Variants in HIP1R observed in about 807,000 individuals in gnomAD.
HIP1R encodes huntingtin-interacting protein 1-related protein.
In HIP1R, 135 loss-of-function variants were observed where a neutral mutation model predicts 144.2. That is an observed-to-expected ratio of 0.94 (90% CI 0.81 to 1.08). The LOEUF (loss-of-function observed/expected upper bound fraction) is 1.08, where lower values mean the gene tolerates loss of function less well. HIP1R is among the 50% of genes least tolerant of loss of function. The pLI is 0.00. For missense variants in HIP1R, 1,462 were observed against 1,432.8 expected (o/e 1.02, Z -0.33); for synonymous variants, 698 against 612.8 (o/e 1.14, Z -2.05).
Position 122,862,903 on chromosome 12 carries a change from A to G in HIP1R, c.*1150A>G, listed in dbSNP as rs906868604. 7 of 152,214 alleles carry G rather than the reference A, an allele frequency of 4.6e-5. No homozygotes were observed. In the South Asian group the frequency reaches 1.4e-3, roughly 32 times the overall value. The allele number at this position is 152,214 out of a possible 1,614,324, so 9.4% of individuals were successfully genotyped here. ...AGCACCAGCGCCTTGGCTTTGTGTT[A>G]GCATTTCCTCCTGAAGTGTTCTGTT... On this transcript the variant is annotated 3_prime_UTR_variant, in exon 32 of 32. Transcript: ENST00000253083.
chr12:122,838,401 AC>A (rs374986590), intron 1 of HIP1R, among the ~76,000 whole-genome samples: 33 of 152,308 alleles, frequency 2.2e-4, no homozygotes, highest in Non-Finnish European at 3.8e-4. Context: ...ACAGAATACT[AC>A]AAAATACAGC....
rs1205800021 is a variant in HIP1R at position 122,858,218 on chromosome 12, C to T, written c.1932C>T (p.Asp644=). 4.4e-6 allele frequency: 7 copies of T among 1,605,312 alleles called. No homozygotes were observed. The highest frequency in any genetic ancestry group is 2.2e-5 in the East Asian group (1 of 44,646). ...AGGATGCCGTGAGCAAGCTGGACGA[C>T]CCCCTGCACCTGCGCTGTACCAGCT... ...ILQDAVSKLD[D]PLHLRCTSSP... is the part of the protein sequence containing the mutation. The change falls in exon 19 of 32, where the codon GAC becomes GAT. Residue 644 remains aspartate (D), a synonymous_variant. Coordinates refer to ENST00000253083, the MANE Select transcript of HIP1R (RefSeq NM_003959.3).
Position 122,858,405 on chromosome 12 carries a change from G to T in HIP1R, c.2020G>T (p.Gly674Cys). The T allele has an allele frequency of 6.2e-7, 1 of 1,610,506 alleles. No individual in the cohort carries two copies. The highest frequency in any genetic ancestry group is 8.5e-7 in the Non-Finnish European group (1 of 1,178,138). The change falls in exon 20 of 32, where the codon GGC becomes TGC. Residue 674 changes from glycine (G) to cysteine (C), a missense_variant. By Grantham distance (159) the Gly-to-Cys change is radical. Around this residue, in one of 2 missense-constraint regions of HIP1R, gnomAD observed 1,112 missense variants for 1,011.7 expected, o/e 1.10. Coordinates refer to ENST00000253083, the MANE Select transcript of HIP1R (RefSeq NM_003959.3). ...GGATGCCGTGAGCACCCTGGAGGAG[G>T]GCCACGCCCAGTACCTGACCTCCTT... ...ALDAVSTLEE[G>C]HAQYLTSLAD...
chr12:122,857,952 G>T (rs1348992980), intron 18 of HIP1R, 150 bp from the exon 19 acceptor site: 2 of 629,414 alleles, frequency 3.2e-6, no homozygotes, highest in African/African-American at 3.7e-5. Flanking sequence ...TGCACTGTGT[G>T]GGAAGCCTCT....
chr12:122,849,780 G>T lies in HIP1R; in HGVS notation c.358-95G>T, dbSNP rs145393918. On this transcript the variant is annotated intron_variant, in intron 4 of 31. Transcript: ENST00000253083. ...GAGAAGACGTTTGTTGAATGAAGAAGTGCCCGGTGGTGGGTCACTCTCGTG... is the reference window on the plus strand; with the variant it reads ...GAGAAGACGTTTGTTGAATGAAGAATTGCCCGGTGGTGGGTCACTCTCGTG... The T allele has an allele frequency of 9.4e-4, 738 of 782,202 alleles. 3 individuals are homozygous for T. In the East Asian group the frequency reaches 0.018, roughly 19 times the overall value. The allele number at this position is 782,202 out of a possible 1,614,324, so 48.5% of individuals were successfully genotyped here.
intron 4 of HIP1R, 146 bp downstream of exon 4, chr12:122,848,998 A>C (rs1161414278): frequency 1.3e-6 from 1 of 793,420 alleles, no homozygotes; most frequent in African/African-American, 1.7e-5. Flanking sequence ...GCACGGGGAG[A>C]TGCTGCCTGC....
chr12:122,848,115 G>C, intron 2 of HIP1R, 21 bp downstream of exon 2: 1 of 1,612,722 alleles, frequency 6.2e-7, no homozygotes, highest in African/African-American at 1.3e-5. Flanking sequence ...CCGGCTCTTG[G>C]ACCCAGGAGT....
intron 31 of HIP1R, 87 bp from the exon 32 acceptor site, chr12:122,861,619 A>G (rs1466861647): frequency 6.3e-7 from 1 of 1,581,984 alleles, no homozygotes; most frequent in Non-Finnish European, 8.6e-7. Context: ...ACCACTGACA[A>G]CATGCAGGGA....
intron 1 of HIP1R, among the ~76,000 whole-genome samples, chr12:122,838,165 C>A (rs1279077255): frequency 6.6e-6 from 1 of 152,094 alleles, no homozygotes; most frequent in African/African-American, 2.4e-5. Context: ...TTGCAAATAT[C>A]TGTGGGGTTA....
At chr12:122,859,243 T>C (rs201720434) in intron 22 of HIP1R, 46 bp downstream of exon 22, 2 of 1,548,862 alleles carry the variant, frequency 1.3e-6, no homozygotes, top group East Asian at 4.8e-5. Flanking sequence ...GGCCTGCCTC[T>C]GACCTCTGCA....
At chr12:122,846,940 A>C (rs572660747) in intron 1 of HIP1R, among the ~76,000 whole-genome samples, 1 of 152,336 alleles carries the variant, frequency 6.6e-6, no homozygotes, top group African/African-American at 2.4e-5. Context: ...TCTGGGGAGA[A>C]GGCGCAGGAG....
chr12:122,861,748 T>A lies in HIP1R; in HGVS notation c.3202T>A (p.Tyr1068Asn), dbSNP rs762639555. 5.0e-6 allele frequency: 8 copies of A among 1,614,022 alleles called. No homozygotes were observed. In the South Asian group the frequency reaches 6.6e-5, roughly 13 times the overall value. ...DGIYPAQLVN[Y>N] ...CATCTACCCAGCTCAACTCGTGAACTACTAGGCCCCCCAGGGGTCCAGCAG... is the reference window on the plus strand; with the variant it reads ...CATCTACCCAGCTCAACTCGTGAACAACTAGGCCCCCCAGGGGTCCAGCAG... The change falls in exon 32 of 32, where the codon TAC becomes AAC. Residue 1068 changes from tyrosine to asparagine, a missense_variant. Tyr to Asn is a moderately radical substitution (Grantham distance 143). Transcript: ENST00000253083.
chr12:122,850,323 G>C (rs2033338528), intron 5 of HIP1R: 1 of 498,310 alleles, frequency 2.0e-6, no homozygotes, highest in Non-Finnish European at 3.9e-6. Context: ...GTCCAGCGTG[G>C]GGCCCCCTGG....
chr12:122,848,201 C>G, intron 2 of HIP1R, 107 bp downstream of exon 2: 2 of 1,246,596 alleles, frequency 1.6e-6, no homozygotes, highest in Non-Finnish European at 2.3e-6. Context: ...AGTTCCCTCA[C>G]TGAGCCCGGG....
At chr12:122,846,417 G>T (rs1034097527) in intron 1 of HIP1R, among the ~76,000 whole-genome samples, 26 of 152,216 alleles carry the variant, frequency 1.7e-4, no homozygotes, top group African/African-American at 5.8e-4. Flanking sequence ...GCCTGGCTGG[G>T]GCTGGGCACT....
At chr12:122,846,106 C>G (rs958351448) in intron 1 of HIP1R, among the ~76,000 whole-genome samples, 2 of 152,226 alleles carry the variant, frequency 1.3e-5, no homozygotes, top group Non-Finnish European at 1.5e-5. Context: ...TGGGGTTACA[C>G]ACCCCGGAGA....
chr12:122,847,298 C>A (rs946063224), intron 1 of HIP1R, among the ~76,000 whole-genome samples: 1 of 120,304 alleles, frequency 8.3e-6, no homozygotes, highest in Non-Finnish European at 1.8e-5. Flanking sequence ...AGGCAGTAGC[C>A]GGGGCGGGGG....
intron 3 of HIP1R, 76 bp from the exon 4 acceptor site, chr12:122,848,720 G>T: frequency 1.2e-6 from 2 of 1,601,676 alleles, no homozygotes; most frequent in Non-Finnish European, 1.7e-6. Context: ...TCCCGCCTCG[G>T]GTGGGGAGTG....
At position 122,856,012 on chromosome 12, in the gene HIP1R, G is replaced by C. The variant is rs1267298749; in HGVS notation, c.1161G>C (p.Gln387His). Reference sequence around the variant, plus strand: ...GGTACATCGCGCAGCTGAAGAGCCAGGTGAATGCACTGGAGGGTGAGCTGG... The same window carrying C: ...GGTACATCGCGCAGCTGAAGAGCCACGTGAATGCACTGGAGGGTGAGCTGG... ...AQRYIAQLKS[Q>H]VNALEGELEE... Residue 387 changes from glutamine to histidine, a missense_variant, in exon 14 of 32, where the codon CAG becomes CAC. Physicochemically the swap from Gln to His is conservative, Grantham distance 24. Transcript: ENST00000253083. The C allele has an allele frequency of 6.3e-7, 1 of 1,595,720 alleles. No homozygotes were observed. Among genetic ancestry groups the C allele is most frequent in the Non-Finnish European group, 8.5e-7 (1 of 1,171,496 alleles).
Sources: allele counts gnomAD v4.1 joint callset (sites outside exome capture counted in the v4.1 genomes callset), GRCh38; gene constraint gnomAD v4.1.1; regional missense constraint gnomAD v4.1.1; transcripts MANE v1.5; gene names NCBI Gene and HGNC (gene_info 2026-07-23, HGNC 2026-07-21).